POU6F2: variants seen among roughly 807,000 people sequenced by gnomAD.
The protein encoded by POU6F2 is POU class 6 homeobox 2.
A neutral mutation model predicts 71.3 loss-of-function variants in POU6F2; 31 were observed. The ratio of observed to expected loss-of-function variants is 0.43; its 90% CI spans 0.33 to 0.59. The LOEUF (loss-of-function observed/expected upper bound fraction) is 0.59. Ranked by LOEUF, POU6F2 falls within the 20% of genes least tolerant of loss-of-function variation. The pLI, the probability that POU6F2 is intolerant of heterozygous loss-of-function variation, is 0.04. For missense variants in POU6F2, 783 were observed against 856.8 expected (o/e 0.91, Z 1.07); for synonymous variants, 347 against 355.7 (o/e 0.98, Z 0.27).
At chr7:39,344,487 C>A (rs1464235148) in intron 5 of POU6F2, among the ~76,000 whole-genome samples, 1 of 152,126 alleles carries the variant, frequency 6.6e-6, no homozygotes, top group Non-Finnish European at 1.5e-5. Flanking sequence ...TTCCAAAGTG[C>A]ATACATAATG....
chr7:38,984,386 T>A (rs1243554044), intron 1 of POU6F2: 1 of 152,090 alleles, frequency 6.6e-6, no homozygotes, highest in Non-Finnish European at 1.5e-5. Flanking sequence ...CTTTGTGGGC[T>A]TCCCAGGCAG....
At chr7:39,200,243 G>A (rs546582095) in intron 2 of POU6F2, among the ~76,000 whole-genome samples, 11 of 152,294 alleles carry the variant, frequency 7.2e-5, no homozygotes, top group Admixed American at 2.6e-4. Context: ...GGCTCCCTGT[G>A]GTCTTCAGTC....
chr7:39,390,801 C>T (rs1347991975), intron 5 of POU6F2, among the ~76,000 whole-genome samples: 2 of 151,916 alleles, frequency 1.3e-5, no homozygotes, highest in African/African-American at 4.8e-5. Context: ...TAATGTTGGG[C>T]AACGCAGAGT....
At chr7:39,365,168 G>A (rs750814987) in intron 5 of POU6F2, among the ~76,000 whole-genome samples, 1 of 152,108 alleles carries the variant, frequency 6.6e-6, no homozygotes, top group Non-Finnish European at 1.5e-5. Context: ...AAACAGCATG[G>A]TACTGGTATA....
At chr7:39,085,420 C>T (rs1260355368) in intron 1 of POU6F2, among the ~76,000 whole-genome samples, 2 of 152,020 alleles carry the variant, frequency 1.3e-5, no homozygotes, top group Non-Finnish European at 2.9e-5. Flanking sequence ...CCCGTGGTTC[C>T]TCCATAGGGT....
chr7:39,342,206 G>A (rs868199650), intron 5 of POU6F2, among the ~76,000 whole-genome samples: 174 of 125,358 alleles, frequency 1.4e-3, no homozygotes, highest in African/African-American at 4.9e-3. Context: ...AATCTGTGTC[G>A]GTAGGCATAA....
At chr7:39,293,733 G>A (rs766858402) in intron 4 of POU6F2, among the ~76,000 whole-genome samples, 16 of 152,172 alleles carry the variant, frequency 1.1e-4, no homozygotes, top group African/African-American at 3.6e-4. Flanking sequence ...CCTGAAGACC[G>A]AGTTCACATT....
At chr7:39,441,661 T>A (rs1788408433) in intron 7 of POU6F2, among the ~76,000 whole-genome samples, 1 of 152,110 alleles carries the variant, frequency 6.6e-6, no homozygotes, top group Non-Finnish European at 1.5e-5. Flanking sequence ...GAAATAAAAT[T>A]AGGTAAAGCA....
At chr7:38,998,918 C>T (rs1244808860) in intron 1 of POU6F2, among the ~76,000 whole-genome samples, 1 of 151,626 alleles carries the variant, frequency 6.6e-6, no homozygotes, top group Non-Finnish European at 1.5e-5. Flanking sequence ...CCCGCCTCGG[C>T]CTCACAAAGT....
intron 2 of POU6F2, among the ~76,000 whole-genome samples, chr7:39,166,564 A>C (rs1226737335): frequency 6.6e-6 from 1 of 152,188 alleles, no homozygotes; most frequent in African/African-American, 2.4e-5. Flanking sequence ...CCCAAGTGTC[A>C]GCCTGACTGT....
intron 4 of POU6F2, among the ~76,000 whole-genome samples, chr7:39,268,861 T>A (rs543172355): frequency 6.6e-6 from 1 of 152,212 alleles, no homozygotes; most frequent in African/African-American, 2.4e-5. Context: ...CTGAGAGTTT[T>A]CACCACTTTA....
intron 2 of POU6F2, among the ~76,000 whole-genome samples, chr7:39,115,293 T>G (rs1359608267): frequency 6.6e-6 from 1 of 152,192 alleles, no homozygotes; most frequent in East Asian, 1.9e-4. Flanking sequence ...TCCATTTTTT[T>G]TCACTCTCCC....
At chr7:39,093,011 A>G (rs935143555) in intron 2 of POU6F2, among the ~76,000 whole-genome samples, 1 of 152,162 alleles carries the variant, frequency 6.6e-6, no homozygotes, top group Non-Finnish European at 1.5e-5. Context: ...ATTTCCTAGT[A>G]TGTTATATGA....
intron 5 of POU6F2, among the ~76,000 whole-genome samples, chr7:39,342,188 G>GTAGAACTAAT (rs1554344939): frequency 6.6e-6 from 1 of 151,664 alleles, no homozygotes; most frequent in Non-Finnish European, 1.5e-5. Context: ...CTGAGAAGAT[G>GTAGAACTAAT]TTAAACAAAT....
chr7:39,085,821 T>C, intron 1 of POU6F2, 39 bp from the exon 2 acceptor site: 1 of 1,573,052 alleles, frequency 6.4e-7, no homozygotes. Context: ...AATCTGCCAC[T>C]TTTTTTTTCC....
intron 2 of POU6F2, among the ~76,000 whole-genome samples, chr7:39,102,274 A>G (rs546198955): frequency 2.6e-4 from 40 of 152,300 alleles, no homozygotes; most frequent in Non-Finnish European, 5.4e-4. Context: ...CTTGTGGTCA[A>G]AATATTCTGG....
intron 1 of POU6F2, among the ~76,000 whole-genome samples, chr7:39,021,421 C>G (rs1392484510): frequency 1.3e-5 from 2 of 151,868 alleles, no homozygotes; most frequent in Non-Finnish European, 2.9e-5. Flanking sequence ...TACTCCATAA[C>G]CCCAGACTAA....
At chr7:39,421,265 A>C (rs1409918096) in intron 6 of POU6F2, among the ~76,000 whole-genome samples, 2 of 152,298 alleles carry the variant, frequency 1.3e-5, no homozygotes, top group South Asian at 2.1e-4. Context: ...GAAATTGAAA[A>C]AGTAATATAT....
chr7:39,153,758 A>G (rs957816494), intron 2 of POU6F2, among the ~76,000 whole-genome samples: 6 of 152,138 alleles, frequency 3.9e-5, no homozygotes. Context: ...GTAGGAATGT[A>G]AAAATCAGTA....
Sources: allele counts gnomAD v4.1 joint callset (sites outside exome capture counted in the v4.1 genomes callset), GRCh38; gene constraint gnomAD v4.1.1; transcripts MANE v1.5; gene names NCBI Gene and HGNC (gene_info 2026-07-23, HGNC 2026-07-21).